The following ZNF490 variants were observed in gnomAD, a reference collection of about 807,000 sequenced individuals.
ZNF490 encodes zinc finger protein 490.
Under a neutral mutation model 17.7 loss-of-function variants are expected in ZNF490, and 11 were observed. That is an observed-to-expected ratio of 0.62 (90% CI 0.39 to 1.03). ZNF490 has a LOEUF of 1.03. ZNF490 is among the 50% of genes least tolerant of loss of function. The pLI is 0.00. For missense variants in ZNF490, 542 were observed against 643.4 expected, an observed-to-expected ratio of 0.84 and a Z score of 1.71; for synonymous variants, 222 against 216.1, an observed-to-expected ratio of 1.03 and a Z score of -0.24.
In ZNF490 at chr19:12,581,565, G is replaced by A. The variant is rs1568277785; in HGVS notation, c.510C>T (p.Ser170=). The change falls in exon 5 of 5, where the codon TCC becomes TCT. Residue 170 remains serine (S), a synonymous_variant. Transcript: ENST00000311437. The part of the protein sequence containing the change: ...VCGEVFMHQV[S]LNRHMRSHTE... ...TGTGAGATCTCATGTGCCTATTAAG[G>A]GAGACCTGATGCATGAAGACTTCCC... 1 of 1,614,012 alleles carries A rather than the reference G, an allele frequency of 6.2e-7. No individual in the cohort carries two copies. Among genetic ancestry groups the A allele is most frequent in the Admixed American group, 1.7e-5 (1 of 59,986 alleles).
At chr19:12,583,791 C>CTCTCTCTATATA (rs1315571249) in intron 2 of ZNF490, among the ~76,000 whole-genome samples, 10 of 68,138 alleles carry the variant, frequency 1.5e-4, no homozygotes, top group African/African-American at 2.1e-4. Flanking sequence ...CTCTCTCTCT[C>CTCTCTCTATATA]TATATATATA....
chr19:12,607,319 T>G (rs1296486024), intron 2 of ZNF490, among the ~76,000 whole-genome samples: 1 of 151,184 alleles, frequency 6.6e-6, no homozygotes, highest in Non-Finnish European at 1.5e-5. Flanking sequence ...GCCTCCCAAA[T>G]AGCTGGGATT....
intron 2 of ZNF490, among the ~76,000 whole-genome samples, chr19:12,608,092 C>T (rs1488827962): frequency 6.6e-6 from 1 of 152,122 alleles, no homozygotes; most frequent in Non-Finnish European, 1.5e-5. Context: ...TGAAATTCCT[C>T]CCACTTCAGC....
intron 2 of ZNF490, among the ~76,000 whole-genome samples, chr19:12,597,479 T>C (rs1385972585): frequency 1.3e-5 from 2 of 152,188 alleles, no homozygotes; most frequent in Non-Finnish European, 2.9e-5. Flanking sequence ...AATTTGTTCT[T>C]TGCCCGAGGT....
At position 12,579,121 on chromosome 19, in the gene ZNF490, C is replaced by T. The variant is rs1032880493; in HGVS notation, c.*1364G>A. 1.9e-4 allele frequency: 36 copies of T among 187,122 alleles called. No homozygotes were observed. Among genetic ancestry groups the T allele is most frequent in the South Asian group, 3.6e-4 (2 of 5,500 alleles). 11.6% of individuals were successfully genotyped at this position (187,122 alleles called of 1,614,324 possible). A position where few individuals can be genotyped will look rare whatever the true frequency, so the allele number is the denominator to read the frequency against. On this transcript the variant is annotated 3_prime_UTR_variant, in exon 5 of 5. Transcript: ENST00000311437. The stretch of plus-strand genomic sequence containing the variant: ...ACAAAAAATGAGCCGGGCGTGGTGG[C>T]GGGCGCCTGTAGTCCCAGCTACTCG...
chr19:12,593,844 C>A (rs1243346147), intron 2 of ZNF490, among the ~76,000 whole-genome samples: 1 of 152,178 alleles, frequency 6.6e-6, no homozygotes, highest in Non-Finnish European at 1.5e-5. Context: ...ACCATGACAT[C>A]TGGCAAGGAA....
Position 12,582,841 on chromosome 19 carries a change from G to A in ZNF490, c.350+9C>T, listed in dbSNP as rs773506066. ...AGGGGCTATATAATTATTTGTGAAT[G>A]CAACTCACCTTAGATTTCTTCCCTG... On this transcript the variant is annotated intron_variant, in intron 4 of 4. Transcript: ENST00000311437. The A allele has an allele frequency of 1.2e-6, 2 of 1,600,268 alleles. No homozygotes were observed. The highest frequency in any genetic ancestry group is 2.2e-5 in the South Asian group (2 of 90,332).
chr19:12,600,656 C>T (rs2022991850), intron 2 of ZNF490, among the ~76,000 whole-genome samples: 1 of 152,110 alleles, frequency 6.6e-6, no homozygotes, highest in Non-Finnish European at 1.5e-5. Context: ...TCAATTGTGT[C>T]TTTAGCTATG....
At position 12,581,742 on chromosome 19, in the gene ZNF490, C is replaced by T. The variant is rs374412202; in HGVS notation, c.351-18G>A. On this transcript the variant is annotated intron_variant, in intron 4 of 4. Coordinates refer to ENST00000311437, the MANE Select transcript of ZNF490 (RefSeq NM_020714.3). Reference sequence around the variant, plus strand: ...TAGGACTTCTGTAAAGAATGAGTACCGTATTATTAATAGTTTTGTATTAAT... The same window carrying T: ...TAGGACTTCTGTAAAGAATGAGTACTGTATTATTAATAGTTTTGTATTAAT... The T allele has an allele frequency of 3.3e-5, 52 of 1,553,062 alleles. No homozygotes were observed. Among genetic ancestry groups the T allele is most frequent in the South Asian group, 1.2e-4 (10 of 82,552 alleles).
chr19:12,602,079 T>TACACACACACAC lies in ZNF490; in HGVS notation c.162+7067_162+7078dup, dbSNP rs61568541. Among the ~76,000 whole-genome samples, 11 of 68,654 alleles carry TACACACACACAC rather than the reference T, an allele frequency of 1.6e-4. No homozygotes were observed. The East Asian group carries it at 2.0e-3, about 12-fold the overall frequency. 45.0% of individuals were successfully genotyped at this position (68,654 alleles called of 152,430 possible). A position where few individuals can be genotyped will look rare whatever the true frequency, so the allele number is the denominator to read the frequency against. On this transcript the variant is annotated intron_variant, in intron 2 of 4. Coordinates refer to ENST00000311437, the MANE Select transcript of ZNF490 (RefSeq NM_020714.3). ...CGTTTTTGAAACTCAGTTCACTATA[T>TACACACACACAC]ACACACACACACACACACACACACA...
Position 12,580,393 on chromosome 19 carries a change from G to T in ZNF490, c.*92C>A. On this transcript the variant is annotated 3_prime_UTR_variant, in exon 5 of 5. Coordinates refer to ENST00000311437, the MANE Select transcript of ZNF490 (RefSeq NM_020714.3). ...GGACAACTGAAGGCTTAATCACACC[G>T]TTTACATTCCTTGAATTTCTCTCCA... 1.3e-6 allele frequency: 2 copies of T among 1,504,162 alleles called. No homozygotes were observed. Among genetic ancestry groups the T allele is most frequent in the Admixed American group, 2.3e-5 (1 of 44,064 alleles). The allele number at this position is 1,504,162 out of a possible 1,614,324, so 93.2% of individuals were successfully genotyped here. A position where few individuals can be genotyped will look rare whatever the true frequency, so the allele number is the denominator to read the frequency against.
chr19:12,581,083 T>G lies in ZNF490; in HGVS notation c.992A>C (p.Glu331Ala), dbSNP rs149359795. ...LRSHEKTHTGEKPFVCRECGR... is the reference protein window; with the variant it reads ...LRSHEKTHTGAKPFVCRECGR... Reference sequence around the variant, plus strand: ...ACATTCCCTACATACAAAAGGTTTCTCTCCAGTATGAGTTTTCTCATGACT... The same window carrying G: ...ACATTCCCTACATACAAAAGGTTTCGCTCCAGTATGAGTTTTCTCATGACT... The change falls in exon 5 of 5, where the codon GAG (glutamate) becomes GCG (alanine). Residue 331 changes from glutamate to alanine, a missense_variant. Coordinates refer to ENST00000311437, the MANE Select transcript of ZNF490 (RefSeq NM_020714.3). The G allele has an allele frequency of 6.2e-7, 1 of 1,614,002 alleles. No individual in the cohort carries two copies. The highest frequency in any genetic ancestry group is 8.5e-7 in the Non-Finnish European group (1 of 1,180,010).
chr19:12,605,521 G>A (rs2023057387), intron 2 of ZNF490, among the ~76,000 whole-genome samples: 1 of 151,894 alleles, frequency 6.6e-6, no homozygotes, highest in South Asian at 2.1e-4. Context: ...ATGGGTGAAT[G>A]TAAGTAAAGT....
chr19:12,588,235 G>A (rs1019484671), intron 2 of ZNF490, among the ~76,000 whole-genome samples: 1 of 152,144 alleles, frequency 6.6e-6, no homozygotes, highest in Non-Finnish European at 1.5e-5. Context: ...CCGACCTCGT[G>A]ATGTGCCCGC....
At chr19:12,600,137 C>G (rs1486902344) in intron 2 of ZNF490, among the ~76,000 whole-genome samples, 1 of 151,744 alleles carries the variant, frequency 6.6e-6, no homozygotes, top group African/African-American at 2.4e-5. Flanking sequence ...CCGAGGCGGG[C>G]AGATCACGAG....
intron 2 of ZNF490, among the ~76,000 whole-genome samples, chr19:12,603,015 G>A (rs184744189): frequency 6.6e-6 from 1 of 152,220 alleles, no homozygotes; most frequent in African/African-American, 2.4e-5. Context: ...TGGATTCTTA[G>A]AGAATATCCA....
intron 2 of ZNF490, among the ~76,000 whole-genome samples, chr19:12,590,311 G>A (rs901327785): frequency 2.8e-4 from 42 of 151,558 alleles, no homozygotes; most frequent in African/African-American, 9.7e-4. Flanking sequence ...CCACCTCCCG[G>A]GTTCAAGAGA....
chr19:12,581,803 T>A (rs1261123416), intron 4 of ZNF490, 79 bp from the exon 5 acceptor site: 2 of 1,298,470 alleles, frequency 1.5e-6, no homozygotes, highest in Admixed American at 4.7e-5. Flanking sequence ...AGAATTACAT[T>A]TTAAATATTT....
At chr19:12,582,712 G>C in intron 4 of ZNF490, 138 bp downstream of exon 4, 1 of 813,474 alleles carries the variant, frequency 1.2e-6, no homozygotes, top group Non-Finnish European at 2.1e-6. Flanking sequence ...CAGTTTCAAT[G>C]AAACACCTTC....
Sources: allele counts gnomAD v4.1 joint callset (sites outside exome capture counted in the v4.1 genomes callset), GRCh38; gene constraint gnomAD v4.1.1; transcripts MANE v1.5; gene names NCBI Gene and HGNC (gene_info 2026-07-23, HGNC 2026-07-21).